GRID2: variants seen among roughly 807,000 people sequenced by gnomAD.
The protein encoded by GRID2 is glutamate ionotropic receptor delta type subunit 2, also known as glutamate receptor ionotropic, delta-2.
A neutral mutation model predicts 114.8 loss-of-function variants in GRID2; 33 were observed. The observed-to-expected ratio is 0.29, with a 90% CI of 0.22 to 0.38. GRID2 has a LOEUF of 0.38. GRID2 is among the 10% of genes least tolerant of loss of function. GRID2 has a pLI of 1.00. For missense variants in GRID2, 1,184 were observed against 1,257.7 expected, an observed-to-expected ratio of 0.94 and a Z score of 0.89; for synonymous variants, 505 against 449.9, an observed-to-expected ratio of 1.12 and a Z score of -1.55.
chr4:92,368,720 C>T (rs1475502600), intron 1 of GRID2, among the ~76,000 whole-genome samples: 4 of 151,806 alleles, frequency 2.6e-5, no homozygotes, highest in African/African-American at 7.3e-5. Context: ...TACTCGGAGT[C>T]TATGATTTAA....
rs1389507371 is a variant in GRID2, at chr4:92,639,079, ACT to A, written c.244+48796_244+48797del. 2.6e-5 allele frequency among the ~76,000 whole-genome samples: 4 copies of A among 151,192 alleles called. No homozygotes were observed. In the East Asian group the frequency reaches 7.8e-4, roughly 30 times the overall value. ...AATTTGTAAACCAGACTGTAATGAA[ACT>A]CTTCCCTCATAATTGTTTAGAAATA... On this transcript the variant is annotated intron_variant, in intron 2 of 15. Transcript: ENST00000282020.
intron 8 of GRID2, among the ~76,000 whole-genome samples, chr4:93,354,464 G>A (rs1209009650): frequency 1.3e-5 from 2 of 151,812 alleles, no homozygotes; most frequent in Non-Finnish European, 2.9e-5. Context: ...TTTTTTGAGG[G>A]AAAGAATCCC....
chr4:92,956,056 GAAAACAA>G (rs759637951), intron 2 of GRID2, among the ~76,000 whole-genome samples: 4 of 152,008 alleles, frequency 2.6e-5, no homozygotes, highest in Non-Finnish European at 2.9e-5. Context: ...TATTTAGAAA[GAAAACAA>G]AAAACAAAAA....
intron 1 of GRID2, among the ~76,000 whole-genome samples, chr4:92,514,299 G>T (rs1313335406): frequency 6.6e-6 from 1 of 151,692 alleles, no homozygotes; most frequent in Admixed American, 6.6e-5. Flanking sequence ...TAATCACTTT[G>T]ACAGCACAAG....
intron 13 of GRID2, among the ~76,000 whole-genome samples, chr4:93,594,180 G>T (rs181468232): frequency 4.8e-5 from 7 of 144,924 alleles, no homozygotes; most frequent in Admixed American, 1.4e-4. Flanking sequence ...CCCCATCTTT[G>T]TGGTTTTATC....
intron 4 of GRID2, among the ~76,000 whole-genome samples, chr4:93,142,230 A>C (rs1055066559): frequency 6.6e-6 from 1 of 152,022 alleles, no homozygotes; most frequent in African/African-American, 2.4e-5. Context: ...CAAACAAAAA[A>C]CCTACTTCTC....
chr4:92,523,535 CAT>C (rs372373187), intron 1 of GRID2, among the ~76,000 whole-genome samples: 28 of 152,010 alleles, frequency 1.8e-4, no homozygotes, highest in African/African-American at 6.8e-4. Flanking sequence ...GGAAGAGAGA[CAT>C]GTGAAAGAAA....
chr4:93,061,989 C>G lies in GRID2; in HGVS notation c.245-23006C>G, dbSNP rs201230524. On this transcript the variant is annotated intron_variant, in intron 2 of 15. Transcript: ENST00000282020. ...CCTCAAAAACATTCTTAGATAAGAG[C>G]ACCTGTCCTGTGGCTCAGCTAGGTA... 5.3e-5 allele frequency among the ~76,000 whole-genome samples: 8 copies of G among 152,238 alleles called. No individual in the cohort carries two copies. In the East Asian group the frequency reaches 1.5e-3, roughly 29 times the overall value.
chr4:92,719,234 G>A (rs1037026685), intron 2 of GRID2, among the ~76,000 whole-genome samples: 3 of 152,118 alleles, frequency 2.0e-5, no homozygotes, highest in East Asian at 1.9e-4. Flanking sequence ...TGATCCACTC[G>A]CCTCAGTCTC....
chr4:93,708,021 T>G (rs1306720564), intron 14 of GRID2, among the ~76,000 whole-genome samples: 1 of 152,070 alleles, frequency 6.6e-6, no homozygotes, highest in African/African-American at 2.4e-5. Flanking sequence ...TTGTTATTGA[T>G]TTCTAGTTTG....
At chr4:93,206,130 C>A (rs1340442565) in intron 4 of GRID2, among the ~76,000 whole-genome samples, 1 of 151,614 alleles carries the variant, frequency 6.6e-6, no homozygotes, top group Non-Finnish European at 1.5e-5. Flanking sequence ...GATAACATAT[C>A]CTCAATTATC....
exon 2 of GRID2, chr4:93,807,767 C>T (rs192063404): frequency 6.6e-6 from 1 of 152,252 alleles, no homozygotes; most frequent in East Asian, 1.9e-4. Flanking sequence ...ATATCCCAGC[C>T]CCTCATGAAC....
intron 2 of GRID2, among the ~76,000 whole-genome samples, chr4:92,944,614 A>C (rs1751470663): frequency 6.6e-6 from 1 of 152,240 alleles, no homozygotes; most frequent in South Asian, 2.1e-4. Context: ...CTGGTATCTC[A>C]GTTGGAAAAG....
At chr4:92,770,663 A>G (rs1268028463) in intron 2 of GRID2, among the ~76,000 whole-genome samples, 1 of 152,162 alleles carries the variant, frequency 6.6e-6, no homozygotes, top group Non-Finnish European at 1.5e-5. Flanking sequence ...GCAGGCAAAG[A>G]GAGAACTTGT....
chr4:92,667,451 T>C (rs1732843831), intron 2 of GRID2, among the ~76,000 whole-genome samples: 1 of 151,530 alleles, frequency 6.6e-6, no homozygotes, highest in South Asian at 2.1e-4. Flanking sequence ...AATATATGTT[T>C]CACTTATTAT....
intron 1 of GRID2, among the ~76,000 whole-genome samples, chr4:92,522,993 GATAA>G (rs1724864488): frequency 6.6e-6 from 1 of 151,856 alleles, no homozygotes. Flanking sequence ...GCTCTCTGGT[GATAA>G]ATAAAGGAGA....
chr4:92,616,611 G>T (rs1730015117), intron 2 of GRID2, among the ~76,000 whole-genome samples: 1 of 151,142 alleles, frequency 6.6e-6, no homozygotes, highest in Non-Finnish European at 1.5e-5. Flanking sequence ...TTACATATGT[G>T]TGTTTTTGTT....
chr4:93,593,894 T>G (rs1282709544), intron 13 of GRID2, among the ~76,000 whole-genome samples: 3 of 152,044 alleles, frequency 2.0e-5, no homozygotes, highest in African/African-American at 7.2e-5. Flanking sequence ...GAGCCTTGGT[T>G]TTCAGGTCCA....
intron 2 of GRID2, among the ~76,000 whole-genome samples, chr4:92,901,335 G>A (rs1400862487): frequency 2.0e-5 from 3 of 152,112 alleles, no homozygotes; most frequent in African/African-American, 7.2e-5. Context: ...GTGGTGCTGA[G>A]CAATTTTTCA....
Sources: gnomAD v4.1 joint callset for allele counts (sites outside exome capture counted in the v4.1 genomes callset) on GRCh38, gnomAD v4.1.1 for gene constraint, MANE v1.5 for transcripts, NCBI Gene and HGNC (gene_info 2026-07-23, HGNC 2026-07-21) for gene names.